The following SYNE1 variants were observed in gnomAD, a reference collection of about 807,000 sequenced individuals.
The protein encoded by SYNE1 is spectrin repeat containing nuclear envelope protein 1.
A neutral mutation model predicts 1,111.0 loss-of-function variants in SYNE1; 616 were observed. The observed-to-expected ratio is 0.55, with a 90% confidence interval of 0.52 to 0.59. The LOEUF is 0.59. Among genes scored for constraint, SYNE1 ranks in the 20% least tolerant of loss-of-function variants. The probability of loss-of-function intolerance (pLI) is 0.00; values close to 1 mark genes in which losing one functional copy is unlikely to be tolerated. For synonymous variants in SYNE1, 3,855 were observed against 3,825.8 expected (o/e 1.01, Z -0.28); for missense variants, 10,006 against 10,417.0 (o/e 0.96, Z 1.72).
Position 152,262,810 on chromosome 6 carries a change from A to G in SYNE1, c.18816-622T>C, listed in dbSNP as rs553011497. On this transcript the variant is annotated intron_variant, in intron 100 of 145. Transcript: ENST00000367255. Reference sequence around the variant, plus strand: ...AGGGCCTGGGAAGGAAGTATAGGACATGGAGAGATAGGACAGGACCTGAGA... The same window carrying G: ...AGGGCCTGGGAAGGAAGTATAGGACGTGGAGAGATAGGACAGGACCTGAGA... 3.4e-4 allele frequency among the ~76,000 whole-genome samples: 51 copies of G among 151,868 alleles called. 1 individual carries two copies. The Middle Eastern group carries it at 0.01, about 31-fold the overall frequency.
intron 4 of SYNE1, among the ~76,000 whole-genome samples, chr6:152,538,944 T>G (rs1427563538): frequency 6.6e-6 from 1 of 152,186 alleles, no homozygotes; most frequent in Non-Finnish European, 1.5e-5. Context: ...TTTTCCTGTC[T>G]TCAAAGGCTA....
Position 152,416,386 on chromosome 6 carries a change from C to T in SYNE1, c.6050+1G>A. 3 of 1,613,914 alleles carry T rather than the reference C, an allele frequency of 1.9e-6. No individual in the cohort carries two copies. Among genetic ancestry groups the T allele is most frequent in the Non-Finnish European group, 8.5e-7 (1 of 1,180,038 alleles). Reference sequence around the variant, plus strand: ...AGTGGCCGTGACAGTTTCCTATTTACCTCTGCTGAAGAGCTTGGCGGGTAG... The same window carrying T: ...AGTGGCCGTGACAGTTTCCTATTTATCTCTGCTGAAGAGCTTGGCGGGTAG... On this transcript the variant is annotated splice_donor_variant, in intron 41 of 145. Coordinates refer to ENST00000367255, the MANE Select transcript of SYNE1 (RefSeq NM_182961.4). LOFTEE classifies it high-confidence loss of function.
intron 121 of SYNE1, among the ~76,000 whole-genome samples, chr6:152,217,361 A>C (rs1399589748): frequency 6.7e-6 from 1 of 149,460 alleles, no homozygotes; most frequent in Non-Finnish European, 1.5e-5. Flanking sequence ...GCACCACTGC[A>C]CTCCAGCCTG....
intron 145 of SYNE1, among the ~76,000 whole-genome samples, chr6:152,124,598 T>C (rs1232285259): frequency 2.0e-5 from 3 of 152,014 alleles, no homozygotes; most frequent in Non-Finnish European, 4.4e-5. Context: ...ATAAATAATC[T>C]CCCAAGAAGC....
At chr6:152,409,986 T>C (rs1418623694) in intron 42 of SYNE1, among the ~76,000 whole-genome samples, 1 of 152,140 alleles carries the variant, frequency 6.6e-6, no homozygotes, top group Non-Finnish European at 1.5e-5. Context: ...AAAGAAGCAA[T>C]ATATGTTCTT....
chr6:152,461,726 C>G lies in SYNE1; in HGVS notation c.2265G>C (p.Arg755Ser). Residue 755 changes from arginine (R) to serine (S), a missense_variant, in exon 21 of 146, where the codon AGG becomes AGC. By Grantham distance (110) the Arg-to-Ser change is moderately radical. This residue lies in a region of SYNE1 where 1,971 missense variants were observed against 2,084.1 expected (regional missense o/e 0.95). Coordinates refer to ENST00000367255, the MANE Select transcript of SYNE1 (RefSeq NM_182961.4). ...TGTATTGGGCATCCATCACAGGCACCCTCTGCTCAATATCCTGCATGAATC... is the reference window on the plus strand; with the variant it reads ...TGTATTGGGCATCCATCACAGGCACGCTCTGCTCAATATCCTGCATGAATC... Reference protein sequence around the residue: ...LIQDLEDIEQRVPVMDAQYKI... With the variant: ...LIQDLEDIEQSVPVMDAQYKI... 6.2e-7 allele frequency: 1 copy of G among 1,613,908 alleles called. No homozygotes were observed. The highest frequency in any genetic ancestry group is 8.5e-7 in the Non-Finnish European group (1 of 1,179,934).
chr6:152,510,994 GA>G lies in SYNE1; in HGVS notation c.402+16del, dbSNP rs1459487255. ...TGAGACATTGCATCAACTGAAAGAG[GA>G]ACTGTAGCACAATACCTGGAAATAT... On this transcript the variant is annotated intron_variant, in intron 7 of 145. Transcript: ENST00000367255. The G allele has an allele frequency of 5.0e-6, 8 of 1,607,310 alleles. No homozygotes were observed. The highest frequency in any genetic ancestry group is 5.1e-6 in the Non-Finnish European group (6 of 1,173,982).
At chr6:152,381,471 G>C in intron 55 of SYNE1, 109 bp from the exon 56 acceptor site, 2 of 1,094,948 alleles carry the variant, frequency 1.8e-6, no homozygotes, top group Admixed American at 3.4e-5. Flanking sequence ...GTTTTAACAA[G>C]TGTGCCACAA....
intron 80 of SYNE1, 100 bp downstream of exon 80, chr6:152,325,857 TG>T: frequency 1.5e-6 from 2 of 1,334,274 alleles, no homozygotes; most frequent in Non-Finnish European, 2.0e-6. Context: ...CTTATCACAT[TG>T]AAAAAAGTCC....
chr6:152,343,241 C>T (rs1393518512), intron 74 of SYNE1, among the ~76,000 whole-genome samples: 1 of 150,842 alleles, frequency 6.6e-6, no homozygotes, highest in African/African-American at 2.4e-5. Context: ...CAACCTCCGC[C>T]TCCACCTCCC....
At chr6:152,449,186 C>A (rs1017749476) in intron 28 of SYNE1, among the ~76,000 whole-genome samples, 2 of 152,164 alleles carry the variant, frequency 1.3e-5, no homozygotes, top group Non-Finnish European at 1.5e-5. Context: ...TTTTGCATGG[C>A]TGAAAATGTA....
chr6:152,296,557 A>G (rs190615177), intron 93 of SYNE1, among the ~76,000 whole-genome samples: 62 of 152,348 alleles, frequency 4.1e-4, no homozygotes, highest in African/African-American at 1.3e-3. Flanking sequence ...CTAACGATGC[A>G]TATCCTGGCC....
chr6:152,455,298 A>C (rs191432202), intron 24 of SYNE1, 128 bp downstream of exon 24: 945 of 989,738 alleles, frequency 9.5e-4, no homozygotes, highest in Non-Finnish European at 1.3e-3. Context: ...ATACCTAAAA[A>C]GTCTCTGCTT....
rs142214381 is a variant in SYNE1, at chr6:152,446,665, G to T, written c.3669+793C>A. On this transcript the variant is annotated intron_variant, in intron 29 of 145. Coordinates refer to ENST00000367255, the MANE Select transcript of SYNE1 (RefSeq NM_182961.4). ...TACTTAAATGATTTCAAGAAATACT[G>T]GTAAATATCTATTCTACTTTACGTT... 3.9e-4 allele frequency among the ~76,000 whole-genome samples: 59 copies of T among 152,118 alleles called. No homozygotes were observed. In the East Asian group the frequency reaches 0.011, roughly 29 times the overall value.
At chr6:152,400,195 C>T (rs941413188) in intron 47 of SYNE1, among the ~76,000 whole-genome samples, 3 of 151,360 alleles carry the variant, frequency 2.0e-5, no homozygotes, top group South Asian at 2.1e-4. Flanking sequence ...GAGTCACGTG[C>T]TCACCAAAAG....
Position 152,350,666 on chromosome 6 carries a change from T to C in SYNE1, c.11685A>G (p.Lys3895=), listed in dbSNP as rs774133216. The C allele has an allele frequency of 6.2e-7, 1 of 1,614,148 alleles. No individual in the cohort carries two copies. The highest frequency in any genetic ancestry group is 1.1e-5 in the South Asian group (1 of 91,074). ...GGTAATCACTTTGAAGTTGATCTAT[T>C]TTGTCCTTTAAAGTGACGTCCTGCA... ...ELVQDVTLKD[K]IDQLQSDYQD... The change falls in exon 71 of 146, where the codon AAA becomes AAG. Residue 3895 remains lysine (K), a synonymous_variant. Transcript: ENST00000367255.
intron 8 of SYNE1, among the ~76,000 whole-genome samples, chr6:152,506,154 T>C (rs2099057165): frequency 6.6e-6 from 1 of 152,216 alleles, no homozygotes; most frequent in Non-Finnish European, 1.5e-5. Context: ...TGAATCAAGT[T>C]GGTAGCCATA....
At chr6:152,154,837 C>A in intron 133 of SYNE1, 55 bp downstream of exon 133, 1 of 1,601,654 alleles carries the variant, frequency 6.2e-7, no homozygotes, top group South Asian at 1.1e-5. Context: ...CTCCAACTAC[C>A]AGCTGGCTAC....
rs373230705 is a variant in SYNE1 at position 152,303,402 on chromosome 6, C to CAAAA, written c.17347-1343_17347-1340dup. 6.7e-3 allele frequency among the ~76,000 whole-genome samples: 802 copies of CAAAA among 120,372 alleles called. 5 individuals carry two copies. The highest frequency in any genetic ancestry group is 0.011 in the Non-Finnish European group (615 of 57,456). The allele number at this position is 120,372 out of a possible 152,430, so 79.0% of individuals were successfully genotyped here. A position where few individuals can be genotyped will look rare whatever the true frequency, so the allele number is the denominator to read the frequency against. ...TGGGCAACAGAGTGAGACTCTGTCT[C>CAAAA]AAAAAAAAAAAAAAGAACACATTTT... is the stretch of plus-strand genomic sequence containing the variant. On this transcript the variant is annotated intron_variant, in intron 91 of 145. Coordinates refer to ENST00000367255, the MANE Select transcript of SYNE1 (RefSeq NM_182961.4).
Sources: allele counts gnomAD v4.1 joint callset (sites outside exome capture counted in the v4.1 genomes callset), GRCh38; gene constraint gnomAD v4.1.1; regional missense constraint gnomAD v4.1.1; transcripts MANE v1.5; gene names NCBI Gene and HGNC (gene_info 2026-07-23, HGNC 2026-07-21).